Variants in USP28 observed in about 807,000 individuals in gnomAD.
USP28 encodes ubiquitin specific peptidase 28, also known as ubiquitin carboxyl-terminal hydrolase 28.
A neutral mutation model predicts 145.0 loss-of-function variants in USP28; 113 were observed. The observed-to-expected ratio is 0.78, with a 90% CI of 0.67 to 0.91. The LOEUF is 0.91. Among genes scored for constraint, USP28 ranks in the 40% least tolerant of loss-of-function variants. The pLI is 0.00. For missense variants in USP28, 1,201 were observed against 1,289.6 expected (o/e 0.93, Z 1.05); for synonymous variants, 447 against 450.9 (o/e 0.99, Z 0.11).
chr11:113,817,488 G>A (rs1941910235), intron 13 of USP28, among the ~76,000 whole-genome samples, 170 bp downstream of exon 13: 1 of 152,120 alleles, frequency 6.6e-6, no homozygotes, highest in African/African-American at 2.4e-5. Context: ...ATGCACTGGT[G>A]GGCCCACTCC....
At chr11:113,835,498 C>A (rs1045340256) in intron 5 of USP28, among the ~76,000 whole-genome samples, 5 of 152,176 alleles carry the variant, frequency 3.3e-5, no homozygotes, top group Non-Finnish European at 7.3e-5. Context: ...CAAGCCCTGG[C>A]GGGATTCAGC....
intron 1 of USP28, among the ~76,000 whole-genome samples, chr11:113,870,238 A>G (rs1394508562): frequency 1.3e-5 from 2 of 152,094 alleles, no homozygotes; most frequent in Non-Finnish European, 2.9e-5. Flanking sequence ...TAATAAAAGT[A>G]TGAGGGGGCC....
rs1179290227 is a variant in USP28 at position 113,817,803 on chromosome 11, G to A, written c.1318C>T (p.Pro440Ser). Residue 440 changes from proline (P) to serine (S), a missense_variant, in exon 13 of 25, where the codon CCG becomes TCG. Pro to Ser is a moderately conservative substitution (Grantham distance 74). Transcript: ENST00000003302. ...ACATATTTCAGCATGTCCGGGAGCG[G>A]GAACCGAGCTGGGCCTGAGCCATAT... 2.5e-6 allele frequency: 4 copies of A among 1,614,046 alleles called. No homozygotes were observed. In the African/African-American group the frequency reaches 4.0e-5, roughly 16 times the overall value.
intron 14 of USP28, among the ~76,000 whole-genome samples, 191 bp downstream of exon 14, chr11:113,814,983 C>G (rs1385623425): frequency 6.6e-6 from 1 of 151,848 alleles, no homozygotes; most frequent in Non-Finnish European, 1.5e-5. Context: ...ACCCGGAAGG[C>G]GGAGGTTTCA....
At chr11:113,832,474 T>C (rs1465081551) in intron 7 of USP28, among the ~76,000 whole-genome samples, 2 of 152,140 alleles carry the variant, frequency 1.3e-5, no homozygotes, top group Non-Finnish European at 2.9e-5. Context: ...CCAGCTACTA[T>C]ACATAAAAAA....
intron 3 of USP28, among the ~76,000 whole-genome samples, chr11:113,842,370 G>C (rs1029043690): frequency 2.6e-5 from 4 of 152,126 alleles, no homozygotes; most frequent in Non-Finnish European, 4.4e-5. Context: ...CGGATCACGA[G>C]GTCAAGAGAT....
At chr11:113,835,827 T>C (rs1331619897) in intron 5 of USP28, among the ~76,000 whole-genome samples, 1 of 152,242 alleles carries the variant, frequency 6.6e-6, no homozygotes, top group African/African-American at 2.4e-5. Context: ...ACGCCTGTAA[T>C]CCCAGCACTT....
Position 113,812,307 on chromosome 11 carries a change from G to C in USP28, c.1941C>G (p.Tyr647Ter). ...TGAAGTAGGGTAGTTTGTCATTAAT[G>C]TACATCAGACAGTAAGCACTAACAT... Residue 647 changes from tyrosine (Y) to a stop codon, truncating the protein, a stop_gained, in exon 16 of 25, where the codon TAC becomes TAG. Transcript: ENST00000003302. LOFTEE classifies it high-confidence loss of function. The C allele has an allele frequency of 6.2e-7, 1 of 1,614,046 alleles. No individual in the cohort carries two copies. Among genetic ancestry groups the C allele is most frequent in the Non-Finnish European group, 8.5e-7 (1 of 1,179,972 alleles).
rs561642137 is a variant in USP28, at chr11:113,806,431, T to C, written c.2400+58A>G. On this transcript the variant is annotated intron_variant, in intron 19 of 24. Coordinates refer to ENST00000003302, the Ensembl canonical transcript of USP28. ...CATTTTTTCCCTTCTTATAGAATTA[T>C]TTCCCCAATATTATGATGCCTATAT... The C allele has an allele frequency of 9.0e-6, 13 of 1,444,000 alleles. No homozygotes were observed. In the East Asian group the frequency reaches 2.3e-4, roughly 26 times the overall value. 89.4% of individuals were successfully genotyped at this position (1,444,000 alleles called of 1,614,324 possible).
intron 2 of USP28, among the ~76,000 whole-genome samples, chr11:113,853,803 C>T (rs970351137): frequency 6.1e-5 from 9 of 148,212 alleles, no homozygotes; most frequent in Admixed American, 2.1e-4. Flanking sequence ...AGCTTGAATG[C>T]GGGAGGGAGA....
chr11:113,829,000 C>T (rs778033469), intron 10 of USP28, 197 bp downstream of exon 10: 2 of 749,416 alleles, frequency 2.7e-6, no homozygotes, highest in Non-Finnish European at 4.6e-6. Context: ...AACTCAAATT[C>T]ATAGTTTTAG....
intron 5 of USP28, among the ~76,000 whole-genome samples, chr11:113,836,069 A>T (rs1724436249): frequency 1.3e-5 from 2 of 152,142 alleles, no homozygotes; most frequent in African/African-American, 4.8e-5. Flanking sequence ...CAAGAACGAA[A>T]CTGTCTCAAA....
At chr11:113,873,407 G>T (rs1211997329) in intron 1 of USP28, among the ~76,000 whole-genome samples, 2 of 152,206 alleles carry the variant, frequency 1.3e-5, no homozygotes, top group Non-Finnish European at 2.9e-5. Flanking sequence ...GCCAGCCACA[G>T]CCACTGGAGT....
chr11:113,860,298 A>C (rs1005336085), intron 1 of USP28, among the ~76,000 whole-genome samples: 4 of 152,194 alleles, frequency 2.6e-5, no homozygotes, highest in Admixed American at 2.0e-4. Flanking sequence ...TCTTACAAAG[A>C]CATTTCTAAA....
At chr11:113,867,135 T>A (rs897037391) in intron 1 of USP28, among the ~76,000 whole-genome samples, 1 of 152,150 alleles carries the variant, frequency 6.6e-6, no homozygotes, top group Non-Finnish European at 1.5e-5. Context: ...GTGGAGGGCA[T>A]GGGGGAATAG....
intron 3 of USP28, among the ~76,000 whole-genome samples, chr11:113,846,608 A>AGTTCAG (rs1945878893): frequency 1.3e-5 from 2 of 152,232 alleles, no homozygotes; most frequent in African/African-American, 4.8e-5. Context: ...TTAAGAATGG[A>AGTTCAG]TAAAGTATTT....
At chr11:113,861,755 T>C (rs1947719075) in intron 1 of USP28, among the ~76,000 whole-genome samples, 1 of 152,242 alleles carries the variant, frequency 6.6e-6, no homozygotes, top group Non-Finnish European at 1.5e-5. Flanking sequence ...CATAATGTCC[T>C]ATACCTTGCT....
intron 3 of USP28, among the ~76,000 whole-genome samples, chr11:113,851,784 CAAAA>C (rs796520144): frequency 1.1e-5 from 1 of 93,016 alleles, no homozygotes. Flanking sequence ...GACTCCATCT[CAAAA>C]AAAAAAAAAA....
chr11:113,811,347 G>C (rs1319408557), intron 16 of USP28, among the ~76,000 whole-genome samples: 1 of 152,158 alleles, frequency 6.6e-6, no homozygotes. Context: ...ATTGCTCTCT[G>C]TATGAGTAGT....
Sources: allele counts gnomAD v4.1 joint callset (sites outside exome capture counted in the v4.1 genomes callset), GRCh38; gene constraint gnomAD v4.1.1; transcripts MANE v1.5; gene names NCBI Gene and HGNC (gene_info 2026-07-23, HGNC 2026-07-21).